FAM120B: variants seen among roughly 807,000 people sequenced by gnomAD.
The protein encoded by FAM120B is family with sequence similarity 120 member B, also known as constitutive coactivator of peroxisome proliferator-activated receptor gamma.
Under a neutral mutation model 96.3 loss-of-function variants are expected in FAM120B, and 83 were observed. That is an observed-to-expected ratio of 0.86 (90% CI 0.72 to 1.03). The LOEUF (loss-of-function observed/expected upper bound fraction) is 1.03, where lower values mean the gene tolerates loss of function less well. FAM120B is among the 50% of genes least tolerant of loss of function. The probability of loss-of-function intolerance (pLI) is 0.00; values close to 1 mark genes in which losing one functional copy is unlikely to be tolerated. For synonymous variants in FAM120B, 407 were observed against 402.7 expected, an observed-to-expected ratio of 1.01 and a Z score of -0.13; for missense variants, 1,027 against 1,121.2, an observed-to-expected ratio of 0.92 and a Z score of 1.20.
chr6:170,355,570 G>T (rs1258753312), intron 5 of FAM120B, among the ~76,000 whole-genome samples: 1 of 151,990 alleles, frequency 6.6e-6, no homozygotes, highest in Non-Finnish European at 1.5e-5. Flanking sequence ...CTGTGAGGGG[G>T]TCGGGGAGGG....
upstream of FAM120B, among the ~76,000 whole-genome samples, chr6:170,302,913 G>T (rs146496890): frequency 5.3e-3 from 812 of 152,252 alleles, 8 homozygotes; most frequent in African/African-American, 0.019. Flanking sequence ...CCAGGAAAGA[G>T]ACCTTGAAGT....
At chr6:170,382,198 A>AT (rs1176384833) in intron 6 of FAM120B, among the ~76,000 whole-genome samples, 2 of 152,304 alleles carry the variant, frequency 1.3e-5, no homozygotes, top group South Asian at 2.1e-4. Context: ...AATTAAGAGG[A>AT]TTACCTAAAC....
intron 4 of FAM120B, among the ~76,000 whole-genome samples, chr6:170,345,262 A>G (rs1787100753): frequency 6.6e-6 from 1 of 152,090 alleles, no homozygotes; most frequent in African/African-American, 2.4e-5. Flanking sequence ...TTCCATGAAA[A>G]TTTATTAATG....
At chr6:170,337,558 G>A (rs2115095194) in intron 4 of FAM120B, among the ~76,000 whole-genome samples, 1 of 152,296 alleles carries the variant, frequency 6.6e-6, no homozygotes, top group Middle Eastern at 3.4e-3. Context: ...ATGAGTTAGG[G>A]AAAAGTCCCT....
At chr6:170,327,378 G>A (rs757108879) in intron 3 of FAM120B, among the ~76,000 whole-genome samples, 1 of 152,146 alleles carries the variant, frequency 6.6e-6, no homozygotes, top group Non-Finnish European at 1.5e-5. Context: ...ATTTTCAGGA[G>A]TCACAAAATA....
At chr6:170,379,014 G>A (rs1789746876) in intron 6 of FAM120B, among the ~76,000 whole-genome samples, 1 of 152,228 alleles carries the variant, frequency 6.6e-6, no homozygotes, top group Admixed American at 6.5e-5. Flanking sequence ...CAGCCTTGGT[G>A]AGGGGTTTCT....
chr6:170,311,368 GTTTT>G (rs530394334), intron 1 of FAM120B, among the ~76,000 whole-genome samples: 17 of 152,024 alleles, frequency 1.1e-4, no homozygotes, highest in African/African-American at 3.9e-4. Context: ...CTGAAGGTGA[GTTTT>G]TTTTCCCCAT....
intron 8 of FAM120B, among the ~76,000 whole-genome samples, chr6:170,392,786 G>A (rs917435783): frequency 2.6e-5 from 4 of 152,182 alleles, no homozygotes; most frequent in South Asian, 2.1e-4. Context: ...ACCAGGTGTC[G>A]TGCGTAGCAC....
intron 1 of FAM120B, among the ~76,000 whole-genome samples, chr6:170,315,926 G>A (rs9356639): frequency 0.14 from 19,288 of 137,722 alleles, 1,395 homozygotes; most frequent in East Asian, 0.32. Context: ...GTCTCCACTG[G>A]AAAAAAAAAA....
At chr6:170,344,546 T>C (rs1787052456) in intron 4 of FAM120B, among the ~76,000 whole-genome samples, 2 of 150,702 alleles carry the variant, frequency 1.3e-5, no homozygotes, top group South Asian at 4.2e-4. Flanking sequence ...TCCATTCACC[T>C]GCACCGTTGC....
At chr6:170,383,991 C>T (rs1241631021) in intron 6 of FAM120B, among the ~76,000 whole-genome samples, 1 of 152,146 alleles carries the variant, frequency 6.6e-6, no homozygotes, top group Non-Finnish European at 1.5e-5. Flanking sequence ...TTGGAACCAC[C>T]TGAATGGATC....
At chr6:170,295,305 G>A, upstream of FAM120B, 2 of 680,760 alleles carry the variant, frequency 2.9e-6, no homozygotes, top group Admixed American at 2.1e-5. This position sits in a 1 kb window ranked among gnomAD's most constrained non-coding sequence, Gnocchi z 7.8. Flanking sequence ...CCAAGTGGGT[G>A]CACAGATGTG....
intron 9 of FAM120B, among the ~76,000 whole-genome samples, chr6:170,403,148 C>G (rs1030364270): frequency 6.6e-6 from 1 of 152,158 alleles, no homozygotes; most frequent in Admixed American, 6.5e-5. Context: ...GCCTTCCATG[C>G]GGAAGTAGTT....
In FAM120B at chr6:170,395,690, G is replaced by T. The variant is rs1790690962; in HGVS notation, c.2692+111G>T. 3 of 719,810 alleles carry T rather than the reference G, an allele frequency of 4.2e-6. No homozygotes were observed. In the East Asian group the frequency reaches 8.2e-5, roughly 20 times the overall value. The allele number at this position is 719,810 out of a possible 1,614,324, so 44.6% of individuals were successfully genotyped here. ...GTTTCAGAAAGGTTGTATAGTTCCAGTAAATAAACAGATAAATATACCAAT... is the reference window on the plus strand; with the variant it reads ...GTTTCAGAAAGGTTGTATAGTTCCATTAAATAAACAGATAAATATACCAAT... On this transcript the variant is annotated intron_variant, in intron 9 of 10. Coordinates refer to ENST00000476287, the MANE Select transcript of FAM120B (RefSeq NM_032448.3).
At chr6:170,315,288 C>T (rs774930401) in intron 1 of FAM120B, among the ~76,000 whole-genome samples, 13 of 152,178 alleles carry the variant, frequency 8.5e-5, no homozygotes, top group South Asian at 4.1e-4. Flanking sequence ...ATAGAGCAGT[C>T]GTCTAGAGCT....
At chr6:170,376,275 T>A (rs568717022) in intron 6 of FAM120B, among the ~76,000 whole-genome samples, 3 of 152,134 alleles carry the variant, frequency 2.0e-5, no homozygotes, top group African/African-American at 4.8e-5. Flanking sequence ...CAGACAGATC[T>A]GGAAGTGTGA....
intron 4 of FAM120B, among the ~76,000 whole-genome samples, chr6:170,334,362 T>C (rs1205484082): frequency 2.0e-5 from 3 of 152,250 alleles, no homozygotes; most frequent in Non-Finnish European, 4.4e-5. Context: ...AAGTCATACA[T>C]TTCATGAAAA....
intron 10 of FAM120B, 58 bp downstream of exon 10, chr6:170,404,659 T>C (rs537408722): frequency 1.5e-6 from 2 of 1,305,008 alleles, no homozygotes; most frequent in African/African-American, 1.5e-5. Flanking sequence ...CTTAATAACA[T>C]AAATCTTCCA....
At chr6:170,377,839 T>A (rs946877251) in intron 6 of FAM120B, among the ~76,000 whole-genome samples, 14 of 143,570 alleles carry the variant, frequency 9.8e-5, no homozygotes, top group Non-Finnish European at 1.8e-4. Context: ...TGCACACGCG[T>A]CCCTAATCCC....
Sources: allele counts gnomAD v4.1 joint callset (sites outside exome capture counted in the v4.1 genomes callset), GRCh38; gene constraint gnomAD v4.1.1; non-coding constraint Gnocchi (gnomAD v3.1); transcripts MANE v1.5; gene names NCBI Gene and HGNC (gene_info 2026-07-23, HGNC 2026-07-21).